The following SNX29 variants were observed in gnomAD, a reference collection of about 807,000 sequenced individuals.
The protein encoded by SNX29 is sorting nexin-29.
A neutral mutation model predicts 102.1 loss-of-function variants in SNX29; 78 were observed. The observed-to-expected ratio is 0.76, with a 90% CI of 0.64 to 0.92. The LOEUF (loss-of-function observed/expected upper bound fraction) is 0.92, where lower values mean the gene tolerates loss of function less well. Ranked by LOEUF, SNX29 falls within the 40% of genes least tolerant of loss-of-function variation. The pLI is 0.00. For missense variants in SNX29, 1,280 were observed against 1,061.7 expected (o/e 1.21, Z -2.86); for synonymous variants, 580 against 414.5 (o/e 1.40, Z -4.85).
intron 14 of SNX29, among the ~76,000 whole-genome samples, chr16:12,208,263 C>G (rs1022878275): frequency 1.3e-5 from 2 of 152,210 alleles, no homozygotes; most frequent in South Asian, 2.1e-4. Context: ...CACAAGAACT[C>G]TACCCACTGC....
At chr16:12,346,351 C>G (rs533496213) in intron 15 of SNX29, among the ~76,000 whole-genome samples, 2 of 152,080 alleles carry the variant, frequency 1.3e-5, no homozygotes, top group African/African-American at 4.8e-5. Context: ...CTTTACGTAA[C>G]CCTAAGTAAA....
chr16:12,268,113 C>A (rs1310047471), intron 14 of SNX29, among the ~76,000 whole-genome samples: 1 of 152,222 alleles, frequency 6.6e-6, no homozygotes, highest in Non-Finnish European at 1.5e-5. Context: ...CTAGCGAGGG[C>A]TTTCTTCGAA....
chr16:12,323,596 A>G (rs1204221041), intron 15 of SNX29, among the ~76,000 whole-genome samples: 1 of 151,976 alleles, frequency 6.6e-6, no homozygotes, highest in Non-Finnish European at 1.5e-5. Context: ...AGAAGGCATG[A>G]GAAAGGGAAA....
chr16:12,175,567 C>G (rs141135033), intron 13 of SNX29, among the ~76,000 whole-genome samples: 1 of 151,898 alleles, frequency 6.6e-6, no homozygotes, highest in African/African-American at 2.4e-5. Context: ...ACAAGAATCT[C>G]TTGAACCTGG....
intron 4 of SNX29, chr16:12,029,694 T>C (rs1411491051): frequency 4.5e-6 from 2 of 442,508 alleles, no homozygotes; most frequent in African/African-American, 4.1e-5. Flanking sequence ...CAGGTGCAAG[T>C]GATTCTCCAG....
At chr16:12,183,716 A>G (rs553686214) in intron 13 of SNX29, among the ~76,000 whole-genome samples, 6 of 152,334 alleles carry the variant, frequency 3.9e-5, no homozygotes, top group South Asian at 2.1e-4. Flanking sequence ...GCATTCCCAG[A>G]TGGTTAAGGC....
At chr16:12,111,301 G>T (rs1368743129) in intron 11 of SNX29, among the ~76,000 whole-genome samples, 1 of 152,130 alleles carries the variant, frequency 6.6e-6, no homozygotes, top group African/African-American at 2.4e-5. Context: ...GCCTCGTTCT[G>T]CACTTTAGCA....
At position 12,052,054 on chromosome 16, in the gene SNX29, A is replaced by G. The variant is rs772146108; in HGVS notation, c.956A>G (p.Gln319Arg). 6.2e-7 allele frequency: 1 copy of G among 1,614,016 alleles called. No homozygotes were observed. The highest frequency in any genetic ancestry group is 1.1e-5 in the South Asian group (1 of 91,078). Residue 319 changes from glutamine (Q) to arginine (R), a missense_variant, in exon 8 of 21, where the codon CAG becomes CGG. Transcript: ENST00000566228. ...SPFGPNSNGS[Q>R]SSNSWKIDSL... ...TTCGGGCCTAACTCCAATGGAAGTCAGAGCAGCAACTCATGGAAAATTGAT... is the reference window on the plus strand; with the variant it reads ...TTCGGGCCTAACTCCAATGGAAGTCGGAGCAGCAACTCATGGAAAATTGAT...
At chr16:12,487,663 G>A (rs1272800480) in intron 19 of SNX29, among the ~76,000 whole-genome samples, 1 of 152,186 alleles carries the variant, frequency 6.6e-6, no homozygotes, top group East Asian at 1.9e-4. Context: ...AGTTCGTCAT[G>A]TGAAGACAAT....
chr16:12,261,814 G>A (rs577103228), intron 14 of SNX29, among the ~76,000 whole-genome samples: 3 of 130,518 alleles, frequency 2.3e-5, no homozygotes, highest in South Asian at 2.6e-4. Context: ...ACGTGTCCCC[G>A]GCTGGAGTAA....
At chr16:12,488,313 T>C (rs773637875) in intron 19 of SNX29, among the ~76,000 whole-genome samples, 5 of 151,978 alleles carry the variant, frequency 3.3e-5, no homozygotes, top group Admixed American at 6.5e-5. Flanking sequence ...CCACCCTCCA[T>C]TGTGGCCTTC....
At chr16:12,395,874 G>C (rs1011567157) in intron 16 of SNX29, among the ~76,000 whole-genome samples, 1 of 152,248 alleles carries the variant, frequency 6.6e-6, no homozygotes, top group South Asian at 2.1e-4. Context: ...TTGAAAGACA[G>C]CAAGAAAAGA....
rs1407087537 is a variant in SNX29, at chr16:12,569,808, T to C, written c.*1179T>C. The stretch of plus-strand genomic sequence containing the variant: ...AGCCGTCCTCAGATGCTCAGCAAAG[T>C]TGTGGCAGTTTGCATTTCTAGGGTA... On this transcript the variant is annotated 3_prime_UTR_variant, in exon 21 of 21. Transcript: ENST00000566228. 8.7e-6 allele frequency: 2 copies of C among 230,202 alleles called. No homozygotes were observed. The highest frequency in any genetic ancestry group is 1.7e-5 in the Non-Finnish European group (2 of 116,228). 14.3% of individuals were successfully genotyped at this position (230,202 alleles called of 1,614,324 possible).
intron 13 of SNX29, among the ~76,000 whole-genome samples, chr16:12,156,442 A>G (rs974981178): frequency 2.0e-5 from 3 of 152,158 alleles, no homozygotes; most frequent in Non-Finnish European, 2.9e-5. Context: ...AAGTACTGGG[A>G]TTACAGGCGT....
intron 4 of SNX29, among the ~76,000 whole-genome samples, chr16:12,034,234 C>T (rs2057414880): frequency 1.3e-5 from 2 of 152,208 alleles, no homozygotes; most frequent in Non-Finnish European, 2.9e-5. Context: ...TTGGAGGAAG[C>T]TGCATGTGCC....
chr16:12,329,697 C>T (rs2081238571), intron 15 of SNX29, among the ~76,000 whole-genome samples: 1 of 152,118 alleles, frequency 6.6e-6, no homozygotes, highest in South Asian at 2.1e-4. Context: ...CGTTGGCTCA[C>T]AGTTCACTGG....
chr16:12,380,226 G>T (rs1220440544), intron 16 of SNX29, among the ~76,000 whole-genome samples: 1 of 151,828 alleles, frequency 6.6e-6, no homozygotes, highest in Non-Finnish European at 1.5e-5. Flanking sequence ...GGATCAGGAG[G>T]GTACAGGCTT....
chr16:12,528,315 A>G (rs2076841526), intron 20 of SNX29, among the ~76,000 whole-genome samples: 1 of 152,072 alleles, frequency 6.6e-6, no homozygotes, highest in South Asian at 2.1e-4. Flanking sequence ...TTCCCGCCTC[A>G]GCCTCTGAGT....
At chr16:12,404,779 T>C (rs2084096005) in intron 18 of SNX29, among the ~76,000 whole-genome samples, 1 of 152,186 alleles carries the variant, frequency 6.6e-6, no homozygotes, top group African/African-American at 2.4e-5. Context: ...GTAATCTATC[T>C]TGTAAAACTG....
Sources: allele counts gnomAD v4.1 joint callset (sites outside exome capture counted in the v4.1 genomes callset), GRCh38; gene constraint gnomAD v4.1.1; transcripts MANE v1.5; gene names NCBI Gene and HGNC (gene_info 2026-07-23, HGNC 2026-07-21).